DNAH14: variants seen among roughly 807,000 people sequenced by gnomAD.
DNAH14 encodes dynein axonemal heavy chain 14.
In DNAH14, 478 loss-of-function variants were observed where a neutral mutation model predicts 520.9. That is an observed-to-expected ratio of 0.92 (90% CI 0.85 to 0.99). DNAH14 has a LOEUF of 0.99. DNAH14 is among the 50% of genes least tolerant of loss of function. The pLI is 0.00. For missense variants in DNAH14, 4,831 were observed against 5,234.5 expected (o/e 0.92, Z 2.38); for synonymous variants, 1,581 against 1,757.2 (o/e 0.90, Z 2.51).
intron 17 of DNAH14, among the ~76,000 whole-genome samples, chr1:225,078,370 T>A (rs1467844111): frequency 6.6e-6 from 1 of 152,238 alleles, no homozygotes; most frequent in African/African-American, 2.4e-5. Context: ...CAAAAAGTTG[T>A]AGCATTTATT....
At chr1:225,116,825 A>T (rs547958144) in intron 23 of DNAH14, among the ~76,000 whole-genome samples, 2 of 152,334 alleles carry the variant, frequency 1.3e-5, no homozygotes, top group African/African-American at 4.8e-5. Flanking sequence ...TGAAAATGTC[A>T]TGTAACACAA....
rs1006079804 is a variant in DNAH14 at position 224,967,452 on chromosome 1, G to A, written c.520G>A (p.Glu174Lys). The A allele has an allele frequency of 3.9e-6, 6 of 1,557,050 alleles. No individual in the cohort carries two copies. The highest frequency in any genetic ancestry group is 5.2e-6 in the Non-Finnish European group (6 of 1,158,852). ...TCAGAAACCTTTGGAAGATGATGGA[G>A]AATTTGTTTATTGCCTTCCTCGGAA... ...TLKKPLEDDGEFVYCLPRKSP... is the reference protein window; with the variant it reads ...TLKKPLEDDGKFVYCLPRKSP... The change falls in exon 6 of 86, where the codon GAA becomes AAA. Residue 174 changes from glutamate to lysine, a missense_variant. Transcript: ENST00000682510.
intron 17 of DNAH14, among the ~76,000 whole-genome samples, chr1:225,055,748 G>C (rs184310688): frequency 7.1e-6 from 1 of 140,732 alleles, no homozygotes; most frequent in African/African-American, 2.7e-5. Flanking sequence ...ATGTGTTCTC[G>C]TTGTTCAGTT....
chr1:225,089,056 A>G (rs959833841), intron 21 of DNAH14, among the ~76,000 whole-genome samples: 1 of 151,916 alleles, frequency 6.6e-6, no homozygotes, highest in Non-Finnish European at 1.5e-5. Flanking sequence ...CCAGTTATGC[A>G]CCAACTTTTT....
chr1:225,287,213 A>G (rs1229464222), intron 54 of DNAH14, among the ~76,000 whole-genome samples: 1 of 152,200 alleles, frequency 6.6e-6, no homozygotes, highest in Non-Finnish European at 1.5e-5. Flanking sequence ...TTACAAATTT[A>G]GAAAAAAAAG....
chr1:225,170,302 CCAATTAAA>C lies in DNAH14; in HGVS notation c.5535+2275_5535+2282del, dbSNP rs1186646344. Among the ~76,000 whole-genome samples the C allele has an allele frequency of 4.6e-5, 7 of 152,250 alleles. No individual in the cohort carries two copies. In the South Asian group the frequency reaches 1.2e-3, roughly 27 times the overall value. On this transcript the variant is annotated intron_variant, in intron 36 of 85. Transcript: ENST00000682510. ...CTTAAATGTAAATGGGCTGAATGCT[CCAATTAAA>C]AGACACAGACTGGCAAATTGGATAA...
intron 42 of DNAH14, among the ~76,000 whole-genome samples, chr1:225,231,865 G>T (rs1448614421): frequency 6.6e-6 from 1 of 151,868 alleles, no homozygotes; most frequent in Non-Finnish European, 1.5e-5. Context: ...GTAACAACAA[G>T]AAATTAAATT....
intron 21 of DNAH14, among the ~76,000 whole-genome samples, chr1:225,087,575 G>A (rs1041384833): frequency 6.6e-5 from 10 of 152,184 alleles, no homozygotes; most frequent in African/African-American, 2.2e-4. Context: ...AAACAAACAA[G>A]GTAAGCCCTG....
chr1:225,370,310 A>C (rs543125182), intron 77 of DNAH14, among the ~76,000 whole-genome samples: 6 of 150,448 alleles, frequency 4.0e-5, no homozygotes, highest in African/African-American at 1.5e-4. Flanking sequence ...AACAAAAAAA[A>C]CACGGGAAAT....
chr1:225,384,480 T>A (rs1198170714), intron 81 of DNAH14, among the ~76,000 whole-genome samples: 1 of 151,828 alleles, frequency 6.6e-6, no homozygotes, highest in African/African-American at 2.4e-5. Flanking sequence ...TAGACTGCTA[T>A]CAAGACTAAT....
intron 55 of DNAH14, among the ~76,000 whole-genome samples, chr1:225,298,854 G>A (rs549074057): frequency 6.6e-6 from 1 of 152,360 alleles, no homozygotes; most frequent in East Asian, 1.9e-4. Context: ...AGGTGTTTCA[G>A]TGGCAGCGGG....
At chr1:225,071,392 G>A (rs1352763819) in intron 17 of DNAH14, among the ~76,000 whole-genome samples, 2 of 152,084 alleles carry the variant, frequency 1.3e-5, no homozygotes, top group African/African-American at 4.8e-5. Flanking sequence ...CAAATTCTCT[G>A]AGCATTTGCT....
intron 8 of DNAH14, among the ~76,000 whole-genome samples, chr1:224,977,164 A>G (rs904701000): frequency 6.6e-6 from 1 of 152,160 alleles, no homozygotes; most frequent in African/African-American, 2.4e-5. Context: ...AGCCATAAAA[A>G]AGGATGAGTT....
rs1321011303 is a variant in DNAH14, at chr1:225,023,929, T to G, written c.1358+64T>G. 6 of 1,459,112 alleles carry G rather than the reference T, an allele frequency of 4.1e-6. No individual in the cohort carries two copies. The Admixed American group carries it at 1.5e-4, about 38-fold the overall frequency. The allele number at this position is 1,459,112 out of a possible 1,614,324, so 90.4% of individuals were successfully genotyped here. ...TATAATATTTTAACATTGCCACATA[T>G]GGAGGAAATATTCAATAATTTAAGC... is the stretch of plus-strand genomic sequence containing the variant. On this transcript the variant is annotated intron_variant, in intron 11 of 85. Transcript: ENST00000682510.
At chr1:225,283,996 A>G (rs1212167009) in intron 54 of DNAH14, among the ~76,000 whole-genome samples, 2 of 152,142 alleles carry the variant, frequency 1.3e-5, no homozygotes, top group African/African-American at 4.8e-5. Context: ...AAACAAAAAC[A>G]TAATATAAAG....
chr1:225,012,769 G>A (rs112548001), intron 10 of DNAH14, among the ~76,000 whole-genome samples: 8,383 of 152,094 alleles, frequency 0.055, 470 homozygotes, highest in East Asian at 0.24. Context: ...TGATGCTTGT[G>A]TATGCTTCAG....
intron 78 of DNAH14, among the ~76,000 whole-genome samples, chr1:225,376,365 T>G (rs2095701237): frequency 6.6e-6 from 1 of 151,994 alleles, no homozygotes; most frequent in Admixed American, 6.6e-5. Flanking sequence ...AAGCAGAGGT[T>G]GAAGTGAACC....
chr1:225,002,639 C>A, intron 8 of DNAH14, 144 bp from the exon 9 acceptor site: 1 of 808,684 alleles, frequency 1.2e-6, no homozygotes, highest in Non-Finnish European at 1.9e-6. Context: ...ACCCCTAATG[C>A]TTACTAATCA....
chr1:225,266,577 C>A, intron 48 of DNAH14, 64 bp from the exon 49 acceptor site: 1 of 1,248,310 alleles, frequency 8.0e-7, no homozygotes, highest in South Asian at 2.3e-5. Flanking sequence ...CATAATATTC[C>A]TAATTCATAA....
Sources: allele counts gnomAD v4.1 joint callset (sites outside exome capture counted in the v4.1 genomes callset), GRCh38; gene constraint gnomAD v4.1.1; transcripts MANE v1.5; gene names NCBI Gene and HGNC (gene_info 2026-07-23, HGNC 2026-07-21).